Variants in CLSTN3 observed in about 807,000 individuals in gnomAD.
CLSTN3 encodes the protein calsyntenin 3, also known as calsyntenin-3.
Under a neutral mutation model 95.9 loss-of-function variants are expected in CLSTN3, and 36 were observed. The ratio of observed to expected loss-of-function variants is 0.38; its 90% CI spans 0.29 to 0.50. CLSTN3 has a LOEUF of 0.50. Ranked by LOEUF, CLSTN3 falls within the 20% of genes least tolerant of loss-of-function variation. The pLI, the probability that CLSTN3 is intolerant of heterozygous loss-of-function variation, is 0.95. For missense variants in CLSTN3, 1,084 were observed against 1,268.8 expected, an observed-to-expected ratio of 0.85 and a Z score of 2.21; for synonymous variants, 481 against 504.0, an observed-to-expected ratio of 0.95 and a Z score of 0.61.
At position 7,141,488 on chromosome 12, in the gene CLSTN3, C is replaced by T; in HGVS notation, c.1486+84C>T. 4.9e-6 allele frequency: 7 copies of T among 1,420,900 alleles called. No homozygotes were observed. Among genetic ancestry groups the T allele is most frequent in the Non-Finnish European group, 6.9e-6 (7 of 1,008,588 alleles). 88.0% of individuals were successfully genotyped at this position (1,420,900 alleles called of 1,614,324 possible). ...GAGGAGCAAGGGCAGTCTGACCCAG[C>T]AGCTGAGGCCGCCTCCTGCATCTCT... On this transcript the variant is annotated intron_variant, in intron 9 of 17. Coordinates refer to ENST00000266546, the MANE Select transcript of CLSTN3 (RefSeq NM_014718.4). The surrounding 1 kb of genome is among the most constrained non-coding windows in gnomAD (Gnocchi z 4.1).
rs758824825 is a variant in CLSTN3, at chr12:7,141,409, G to C, written c.1486+5G>C. The C allele has an allele frequency of 1.2e-6, 2 of 1,614,150 alleles. No homozygotes were observed. The highest frequency in any genetic ancestry group is 4.5e-5 in the East Asian group (2 of 44,880). On this transcript the variant is annotated splice_donor_5th_base_variant and intron_variant, in intron 9 of 17. Transcript: ENST00000266546. This position sits in a 1 kb window ranked among gnomAD's most constrained non-coding sequence, Gnocchi z 4.1. Reference sequence around the variant, plus strand: ...TGATTGGGGCCTGCTGGACTGGTAAGCTTCTCAGTGAAGACTCCAGTGGTT... The same window carrying C: ...TGATTGGGGCCTGCTGGACTGGTAACCTTCTCAGTGAAGACTCCAGTGGTT...
chr12:7,143,887 T>G (rs1441147755), intron 12 of CLSTN3, among the ~76,000 whole-genome samples: 4 of 152,234 alleles, frequency 2.6e-5, no homozygotes, highest in African/African-American at 9.6e-5. Context: ...CTGTGGGTAG[T>G]TGGGACAAAG....
chr12:7,138,140 C>T (rs1364919854), intron 8 of CLSTN3, 73 bp downstream of exon 8: 4 of 1,153,646 alleles, frequency 3.5e-6, no homozygotes, highest in African/African-American at 3.1e-5. Flanking sequence ...CTTCTCTGGG[C>T]AGGGTCAGCA....
chr12:7,131,766 TC>T (rs1308174338), intron 1 of CLSTN3: 28 of 445,122 alleles, frequency 6.3e-5, no homozygotes, highest in African/African-American at 5.8e-4. Flanking sequence ...TCCTGCCACT[TC>T]CTGTACCGCC....
chr12:7,134,042 G>A (rs1939358437), intron 3 of CLSTN3: 1 of 362,700 alleles, frequency 2.8e-6, no homozygotes, highest in Non-Finnish European at 5.0e-6. Flanking sequence ...TTCCTTATCT[G>A]TAGAATGGAG....
chr12:7,152,139 G>A (rs1939735001), intron 16 of CLSTN3, among the ~76,000 whole-genome samples: 1 of 151,168 alleles, frequency 6.6e-6, no homozygotes, highest in Admixed American at 6.6e-5. Flanking sequence ...CTGATAATAT[G>A]AGTATTCTGT....
chr12:7,136,411 T>G lies in CLSTN3; in HGVS notation c.928+20T>G. ...TCTGTGGTAGGTGTGCCCCCAACAC[T>G]GCCTCAGGCCTATCCCTTCCCATCC... On this transcript the variant is annotated intron_variant, in intron 6 of 17. Coordinates refer to ENST00000266546, the MANE Select transcript of CLSTN3 (RefSeq NM_014718.4). 4 of 1,584,416 alleles carry G rather than the reference T, an allele frequency of 2.5e-6. No homozygotes were observed. Among genetic ancestry groups the G allele is most frequent in the Non-Finnish European group, 3.4e-6 (4 of 1,163,478 alleles).
At chr12:7,138,293 T>C (rs754472628) in intron 8 of CLSTN3, among the ~76,000 whole-genome samples, 5 of 149,702 alleles carry the variant, frequency 3.3e-5, no homozygotes, top group Non-Finnish European at 5.9e-5. Flanking sequence ...AGGGAACAAA[T>C]GACTACTAAC....
rs753130631 is a variant in CLSTN3, at chr12:7,136,903, C to T, written c.1003C>T (p.His335Tyr). 2 of 1,614,124 alleles carry T rather than the reference C, an allele frequency of 1.2e-6. No homozygotes were observed. Among genetic ancestry groups the T allele is most frequent in the Admixed American group, 3.3e-5 (2 of 60,024 alleles). The stretch of plus-strand genomic sequence containing the variant: ...CAACTGGACAGCAGGACTCTCGGTG[C>T]ACTACAGCCAGGACAGCAGCCTGAT... ...NANWTAGLSV[H>Y]YSQDSSLIYW... Residue 335 changes from histidine to tyrosine, a missense_variant, in exon 7 of 18, where the codon CAC becomes TAC. By Grantham distance (83) the His-to-Tyr change is moderately conservative (BLOSUM62 2). Transcript: ENST00000266546.
At chr12:7,153,437 A>C (rs1939759609) in intron 16 of CLSTN3, among the ~76,000 whole-genome samples, 1 of 152,092 alleles carries the variant, frequency 6.6e-6, no homozygotes. Flanking sequence ...GAGCCGCCGC[A>C]CTTGGACTTG....
upstream of CLSTN3, chr12:7,130,305 C>T: frequency 1.1e-6 from 1 of 877,002 alleles, no homozygotes. Context: ...GCACCTGGTC[C>T]CCCCCCCTCC....
chr12:7,154,412 TAG>T (rs1411517437), intron 16 of CLSTN3, among the ~76,000 whole-genome samples: 1 of 152,154 alleles, frequency 6.6e-6, no homozygotes, highest in Non-Finnish European at 1.5e-5. Flanking sequence ...GTGGCACATG[TAG>T]AGTTTGCATT....
rs1412062763 is a variant in CLSTN3, at chr12:7,158,188, G to A, written c.*107G>A. The A allele has an allele frequency of 2.4e-5, 33 of 1,347,852 alleles. No homozygotes were observed. Among genetic ancestry groups the A allele is most frequent in the Non-Finnish European group, 3.2e-5 (33 of 1,016,582 alleles). The allele number at this position is 1,347,852 out of a possible 1,614,324, so 83.5% of individuals were successfully genotyped here. A position where few individuals can be genotyped will look rare whatever the true frequency, so the allele number is the denominator to read the frequency against. On this transcript the variant is annotated 3_prime_UTR_variant, in exon 18 of 18. Transcript: ENST00000266546. ...GAACACAGAGACCAAGAGGGAGAGA[G>A]GCTTCAGAACCAGTCCTCCTTTCAT... is the stretch of plus-strand genomic sequence containing the variant.
intron 1 of CLSTN3, 167 bp downstream of exon 1, chr12:7,130,879 T>G (rs1353271961): frequency 1.5e-6 from 1 of 662,806 alleles, no homozygotes; most frequent in African/African-American, 1.8e-5. Flanking sequence ...TCTCCTCTCT[T>G]TCTCTTCCCC....
chr12:7,129,461 C>G (rs960984421), upstream of CLSTN3: 144 of 246,522 alleles, frequency 5.8e-4, 1 homozygote, highest in Non-Finnish European at 1.2e-4. The surrounding 1 kb of genome is among the most constrained non-coding windows in gnomAD (Gnocchi z 5.5). Context: ...GAGGTGGAGC[C>G]CGAGGGGTGC....
chr12:7,130,838 C>T (rs1939285264), intron 1 of CLSTN3, 126 bp downstream of exon 1: 5 of 823,228 alleles, frequency 6.1e-6, no homozygotes, highest in Non-Finnish European at 1.0e-5. Flanking sequence ...TCTGATCACC[C>T]TCCTTCCCAT....
chr12:7,141,158 T>A lies in CLSTN3; in HGVS notation c.1324-84T>A. The A allele has an allele frequency of 7.1e-7, 1 of 1,402,092 alleles. No individual in the cohort carries two copies. Among genetic ancestry groups the A allele is most frequent in the Admixed American group, 2.2e-5 (1 of 46,452 alleles). 86.9% of individuals were successfully genotyped at this position (1,402,092 alleles called of 1,614,324 possible). A position where few individuals can be genotyped will look rare whatever the true frequency, so the allele number is the denominator to read the frequency against. On this transcript the variant is annotated intron_variant, in intron 8 of 17. Coordinates refer to ENST00000266546, the MANE Select transcript of CLSTN3 (RefSeq NM_014718.4). The surrounding 1 kb of genome is among the most constrained non-coding windows in gnomAD (Gnocchi z 4.1). ...GGGAATAAAGGGACTGTCCCCTGTCTCCCAGGAGATGGGGCAGTGCCTAGG... is the reference window on the plus strand; with the variant it reads ...GGGAATAAAGGGACTGTCCCCTGTCACCCAGGAGATGGGGCAGTGCCTAGG...
chr12:7,129,807 G>C, upstream of CLSTN3: 1 of 985,764 alleles, frequency 1.0e-6, no homozygotes, highest in Non-Finnish European at 1.2e-6. The surrounding 1 kb of genome is among the most constrained non-coding windows in gnomAD (Gnocchi z 5.5). Context: ...GTAGGCAGGA[G>C]GAGGCGGCCG....
In CLSTN3 at chr12:7,141,093, G is replaced by C. The variant is rs114628827; in HGVS notation, c.1324-149G>C. ...GACAAGGATGTTATTCCTCGAGCTG[G>C]ATAGGCAGCAAAGCACTAGTAAGCC... is the stretch of plus-strand genomic sequence containing the variant. On this transcript the variant is annotated intron_variant, in intron 8 of 17. Coordinates refer to ENST00000266546, the MANE Select transcript of CLSTN3 (RefSeq NM_014718.4). This position sits in a 1 kb window ranked among gnomAD's most constrained non-coding sequence, Gnocchi z 4.1. 1.1e-3 allele frequency: 947 copies of C among 836,616 alleles called. 13 individuals carry two copies. The African/African-American group carries it at 0.015, about 13-fold the overall frequency. 51.8% of individuals were successfully genotyped at this position (836,616 alleles called of 1,614,324 possible).
Sources: gnomAD v4.1 joint callset for allele counts (sites outside exome capture counted in the v4.1 genomes callset) on GRCh38, gnomAD v4.1.1 for gene constraint, Gnocchi (gnomAD v3.1) non-coding constraint, MANE v1.5 for transcripts, NCBI Gene and HGNC (gene_info 2026-07-23, HGNC 2026-07-21) for gene names.